FRMPD4: variants seen among roughly 807,000 people sequenced by gnomAD.
FRMPD4 encodes the protein FERM and PDZ domain containing 4.
Under a neutral mutation model 94.1 loss-of-function variants are expected in FRMPD4, and 22 were observed. That is an observed-to-expected ratio of 0.23 (90% CI 0.17 to 0.33). The LOEUF (loss-of-function observed/expected upper bound fraction) is 0.33, where lower values mean the gene tolerates loss of function less well. Ranked by LOEUF, FRMPD4 falls within the 10% of genes least tolerant of loss-of-function variation. FRMPD4 has a pLI of 1.00. For missense variants in FRMPD4, 1,111 were observed against 1,339.9 expected, an observed-to-expected ratio of 0.83 and a Z score of 2.67; for synonymous variants, 631 against 548.6, an observed-to-expected ratio of 1.15 and a Z score of -2.10.
At chrX:12,192,810 A>G (rs781105497) in intron 1 of FRMPD4, among the ~76,000 whole-genome samples, 1 of 111,589 alleles carries the variant, frequency 9.0e-6, no homozygotes, top group Non-Finnish European at 1.9e-5. Flanking sequence ...ATTTGTAATA[A>G]GTTTTCACAT....
chrX:12,107,489 C>T (rs897189759), intron 3 of FRMPD4, among the ~76,000 whole-genome samples: 43 of 111,861 alleles, frequency 3.8e-4, no homozygotes, highest in Admixed American at 3.8e-3. Context: ...AAAATCAGAG[C>T]GCCTCTCCCC....
In FRMPD4 at chrX:12,716,050, C is replaced by T. The variant is rs752971677; in HGVS notation, c.1610-19C>T. 9.8e-6 allele frequency: 6 copies of T among 609,523 alleles called. No individual in the cohort carries two copies. The highest frequency in any genetic ancestry group is 1.2e-5 in the Non-Finnish European group (5 of 432,325). The allele number at this position is 609,523 out of a possible 1,213,427, so 50.2% of individuals were successfully genotyped here. On this transcript the variant is annotated intron_variant, in intron 14 of 16. Coordinates refer to ENST00000675598, the MANE Select transcript of FRMPD4 (RefSeq NM_001368397.1). ...CAGACAGTACAGTAATGTGTCTTTG[C>T]GTGATTCTTTCTCTTTAGGACCTGA...
At chrX:12,522,594 C>CTTTTTTTT (rs373581040) in intron 2 of FRMPD4, among the ~76,000 whole-genome samples, 18 of 74,543 alleles carry the variant, frequency 2.4e-4, no homozygotes, top group African/African-American at 5.8e-4. Context: ...TTTTCTTTTC[C>CTTTTTTTT]TTTTTTTTTT....
At chrX:11,862,142 C>T (rs1336804056) in intron 1 of FRMPD4, among the ~76,000 whole-genome samples, 2 of 111,402 alleles carry the variant, frequency 1.8e-5, no homozygotes, top group Non-Finnish European at 3.8e-5. Flanking sequence ...CCAGGCCCCA[C>T]CTCCAACATT....
rs138248571 is a variant in FRMPD4, at chrX:11,957,574, G to A, written c.95+79556G>A. The stretch of plus-strand genomic sequence containing the variant: ...ATAAAAGTAGAATTAATGAACCACT[G>A]ATTTATATGGAGTAAAACATATTGA... On this transcript the variant is annotated intron_variant, in intron 3 of 18. Transcript: ENST00000640291. Among the ~76,000 whole-genome samples the A allele has an allele frequency of 8.9e-3, 925 of 103,547 alleles. 7 individuals are homozygous for A. The highest frequency in any genetic ancestry group is 0.03 in the African/African-American group (897 of 29,453). 89.9% of individuals were successfully genotyped at this position (103,547 alleles called of 115,157 possible).
intron 2 of FRMPD4, among the ~76,000 whole-genome samples, chrX:12,564,766 G>C (rs953603957): frequency 2.7e-5 from 3 of 110,534 alleles, no homozygotes; most frequent in Non-Finnish European, 5.7e-5. Flanking sequence ...TATGAGGCTG[G>C]AACTGGAAAA....
intron 5 of FRMPD4, among the ~76,000 whole-genome samples, chrX:12,682,510 A>C (rs777249072): frequency 1.6e-4 from 18 of 112,843 alleles, no homozygotes; most frequent in Non-Finnish European, 2.6e-4. Context: ...TATATGATTC[A>C]AACTATTTAC....
At chrX:12,210,112 T>C (rs1303306840) in intron 1 of FRMPD4, among the ~76,000 whole-genome samples, 1 of 111,906 alleles carries the variant, frequency 8.9e-6, no homozygotes, top group Non-Finnish European at 1.9e-5. Context: ...AAATTGTTCC[T>C]AAATCCATGC....
chrX:11,859,006 G>A (rs963337931), intron 1 of FRMPD4, among the ~76,000 whole-genome samples: 3 of 111,592 alleles, frequency 2.7e-5, no homozygotes, highest in African/African-American at 9.7e-5. Flanking sequence ...TAAAAATCTA[G>A]CTGTCAAATA....
chrX:12,605,117 C>T (rs1294585925), intron 2 of FRMPD4, among the ~76,000 whole-genome samples: 1 of 112,242 alleles, frequency 8.9e-6, no homozygotes, highest in Non-Finnish European at 1.9e-5. Context: ...TGAATTCAGG[C>T]AGTCTGGCTC....
Position 12,138,606 on chromosome X carries a change from G to A in FRMPD4, c.-366G>A. The A allele has an allele frequency of 3.5e-6, 1 of 283,181 alleles. No homozygotes were observed. The highest frequency in any genetic ancestry group is 2.3e-4 in the South Asian group (1 of 4,382). The allele number at this position is 283,181 out of a possible 1,213,427, so 23.3% of individuals were successfully genotyped here. A position where few individuals can be genotyped will look rare whatever the true frequency, so the allele number is the denominator to read the frequency against. ...AGCCAGAGCAGCGCCTCTCGCCCAG[G>A]CCTCGCTTTCTCTGGACGCCCGGCA... is the stretch of plus-strand genomic sequence containing the variant. On this transcript the variant is annotated 5_prime_UTR_variant, in exon 1 of 17. Transcript: ENST00000675598.
intron 3 of FRMPD4, among the ~76,000 whole-genome samples, chrX:12,085,829 A>C (rs898952288): frequency 8.9e-6 from 1 of 112,017 alleles, no homozygotes; most frequent in African/African-American, 3.2e-5. Flanking sequence ...TGATTGCACC[A>C]CTGTACTCCA....
At chrX:11,855,369 G>T (rs1208523733) in intron 1 of FRMPD4, among the ~76,000 whole-genome samples, 1 of 112,065 alleles carries the variant, frequency 8.9e-6, no homozygotes. Flanking sequence ...TTAACATTTG[G>T]CTCCTCATTA....
intron 1 of FRMPD4, among the ~76,000 whole-genome samples, chrX:12,319,222 C>T (rs1276307780): frequency 8.9e-6 from 1 of 112,008 alleles, no homozygotes; most frequent in African/African-American, 3.2e-5. Context: ...ATAAAGACTG[C>T]CAACCCTTGG....
rs1234166611 is a variant in FRMPD4, at chrX:11,935,269, G to GTTTTTTTTTTTTTTTTTTTT, written c.95+57259_95+57278dup. Among the ~76,000 whole-genome samples, 14 of 5,012 alleles carry GTTTTTTTTTTTTTTTTTTTT rather than the reference G, an allele frequency of 2.8e-3. 6 individuals are homozygous for GTTTTTTTTTTTTTTTTTTTT. Among genetic ancestry groups the GTTTTTTTTTTTTTTTTTTTT allele is most frequent in the African/African-American group, 5.2e-3 (6 of 1,144 alleles). 4.4% of individuals were successfully genotyped at this position (5,012 alleles called of 115,157 possible). A position where few individuals can be genotyped will look rare whatever the true frequency, so the allele number is the denominator to read the frequency against. Reference sequence around the variant, plus strand: ...TTGTTGTTTTTTTTTTTTTTAATGTGTTTTTTTTTTTTTTTTTTTTTTTTT... The same window carrying GTTTTTTTTTTTTTTTTTTTT: ...TTGTTGTTTTTTTTTTTTTTAATGTGTTTTTTTTTTTTTTTTTTTTTTTTTTTTTTTTTTTTTTTTTTTTT... On this transcript the variant is annotated intron_variant, in intron 3 of 18. Coordinates refer to the FRMPD4 transcript ENST00000640291.
rs72612862 is a variant in FRMPD4, at chrX:11,976,555, C to T, written c.95+98537C>T. On this transcript the variant is annotated intron_variant, in intron 3 of 18. Transcript: ENST00000640291. ...TAAGAAGGAAAACCTACTTTTCTGGCAAGGGCATCAATCTGGTTGACCCTT... is the reference window on the plus strand; with the variant it reads ...TAAGAAGGAAAACCTACTTTTCTGGTAAGGGCATCAATCTGGTTGACCCTT... Among the ~76,000 whole-genome samples the T allele has an allele frequency of 1.3e-3, 141 of 112,149 alleles. 2 individuals are homozygous for T. The East Asian group carries it at 0.036, about 29-fold the overall frequency.
At chrX:12,254,805 A>G (rs952742315) in intron 1 of FRMPD4, among the ~76,000 whole-genome samples, 1 of 111,911 alleles carries the variant, frequency 8.9e-6, no homozygotes. Flanking sequence ...AGCCTTGCCA[A>G]CATATTGATC....
At chrX:12,498,855 T>C (rs1343545742) in intron 2 of FRMPD4, 59 bp downstream of exon 2, 3 of 628,788 alleles carry the variant, frequency 4.8e-6, no homozygotes, top group Non-Finnish European at 5.1e-6. Flanking sequence ...TCTTTATCTT[T>C]GTTTATGAGA....
chrX:12,031,969 A>T (rs2054694644), intron 3 of FRMPD4, among the ~76,000 whole-genome samples: 1 of 111,833 alleles, frequency 8.9e-6, no homozygotes, highest in African/African-American at 3.3e-5. Flanking sequence ...GTTTCTTTGG[A>T]TGTGGTGGAT....
Sources: gnomAD v4.1 joint callset for allele counts (sites outside exome capture counted in the v4.1 genomes callset) on GRCh38, gnomAD v4.1.1 for gene constraint, MANE v1.5 for transcripts, NCBI Gene and HGNC (gene_info 2026-07-23, HGNC 2026-07-21) for gene names.